Variants in GPC6 observed in about 807,000 individuals in gnomAD.
GPC6 encodes the protein glypican-6.
In GPC6, 14 loss-of-function variants were observed where a neutral mutation model predicts 55.2. The ratio of observed to expected loss-of-function variants is 0.25; its 90% CI spans 0.17 to 0.40. GPC6 has a LOEUF of 0.40. Ranked by LOEUF, GPC6 falls within the 10% of genes least tolerant of loss-of-function variation. The pLI is 1.00. For synonymous variants in GPC6, 278 were observed against 259.6 expected (o/e 1.07, Z -0.68); for missense variants, 641 against 708.5 (o/e 0.90, Z 1.08).
intron 2 of GPC6, among the ~76,000 whole-genome samples, chr13:93,728,095 T>C (rs1357681221): frequency 1.3e-5 from 2 of 152,182 alleles, no homozygotes; most frequent in African/African-American, 4.8e-5. Flanking sequence ...GAAGCTTCCT[T>C]GACCCTCTGT....
chr13:93,575,678 A>G (rs910547032), intron 2 of GPC6, among the ~76,000 whole-genome samples: 3 of 152,210 alleles, frequency 2.0e-5, no homozygotes, highest in Non-Finnish European at 4.4e-5. Context: ...AACCTAGAGT[A>G]GCTTCTAGTC....
At chr13:93,351,828 T>C (rs902601580) in intron 1 of GPC6, among the ~76,000 whole-genome samples, 1 of 152,174 alleles carries the variant, frequency 6.6e-6, no homozygotes, top group Non-Finnish European at 1.5e-5. Flanking sequence ...GCATTTGTCT[T>C]CACTTTTCTG....
At chr13:93,413,449 G>C (rs1015145252) in intron 1 of GPC6, among the ~76,000 whole-genome samples, 6 of 152,100 alleles carry the variant, frequency 3.9e-5, no homozygotes, top group Non-Finnish European at 7.4e-5. Context: ...CTGCGTGTGA[G>C]ATTGCAGATC....
chr13:93,668,725 C>G (rs1019736276), intron 2 of GPC6, among the ~76,000 whole-genome samples: 1 of 152,142 alleles, frequency 6.6e-6, no homozygotes, highest in African/African-American at 2.4e-5. Context: ...CTAAGAGCCT[C>G]CTGAGGGAGC....
chr13:94,165,227 A>ATT lies in GPC6; in HGVS notation c.878-121122_878-121121insTT, dbSNP rs1594010056. Among the ~76,000 whole-genome samples, 3 of 148,856 alleles carry ATT rather than the reference A, an allele frequency of 2.0e-5. No individual in the cohort carries two copies. In the East Asian group the frequency reaches 5.9e-4, roughly 29 times the overall value. Reference sequence around the variant, plus strand: ...TGTGTGTATATATATATAATGGAATACTATTCATATATATATGTATACATA... The same window carrying ATT: ...TGTGTGTATATATATATAATGGAATATTCTATTCATATATATATGTATACATA... On this transcript the variant is annotated intron_variant, in intron 4 of 8. Transcript: ENST00000377047.
intron 4 of GPC6, among the ~76,000 whole-genome samples, chr13:94,218,238 G>A (rs1360480309): frequency 6.6e-6 from 1 of 152,160 alleles, no homozygotes; most frequent in African/African-American, 2.4e-5. Flanking sequence ...GAGAAGTTAA[G>A]CATTTTAAGG....
At chr13:94,145,547 T>G (rs1354101804) in intron 4 of GPC6, among the ~76,000 whole-genome samples, 1 of 129,414 alleles carries the variant, frequency 7.7e-6, no homozygotes, top group Non-Finnish European at 1.8e-5. Context: ...GAATCTAAAA[T>G]AAAAGTTGAA....
At chr13:93,632,636 T>TGTGTGTGTATATATATATATAA (rs1879508441) in intron 2 of GPC6, among the ~76,000 whole-genome samples, 1 of 128,296 alleles carries the variant, frequency 7.8e-6, no homozygotes, top group Non-Finnish European at 1.7e-5. Context: ...TATATATATA[T>TGTGTGTGTATATATATATATAA]AATAAAATAA....
chr13:94,137,710 A>G (rs1315253632), intron 4 of GPC6, among the ~76,000 whole-genome samples: 3 of 152,164 alleles, frequency 2.0e-5, no homozygotes, highest in Non-Finnish European at 4.4e-5. Context: ...CTATGAGCCT[A>G]CCTAAAAACT....
chr13:93,799,593 A>G (rs1235768567), intron 2 of GPC6, among the ~76,000 whole-genome samples: 2 of 152,196 alleles, frequency 1.3e-5, no homozygotes, highest in Non-Finnish European at 2.9e-5. Flanking sequence ...ATTATCTGGC[A>G]TAGTAGAAGG....
chr13:94,276,802 G>T (rs983773192), intron 4 of GPC6, among the ~76,000 whole-genome samples: 1 of 152,138 alleles, frequency 6.6e-6, no homozygotes, highest in Non-Finnish European at 1.5e-5. Flanking sequence ...GTATTCCATG[G>T]TGTATATGTA....
chr13:93,563,384 CT>C (rs1275754151), intron 2 of GPC6, among the ~76,000 whole-genome samples: 4 of 152,068 alleles, frequency 2.6e-5, no homozygotes, highest in South Asian at 2.1e-4. Context: ...ACAGTAGTAT[CT>C]ACCAATATCC....
At chr13:93,926,647 G>C (rs1280038690) in intron 3 of GPC6, among the ~76,000 whole-genome samples, 1 of 152,176 alleles carries the variant, frequency 6.6e-6, no homozygotes, top group Non-Finnish European at 1.5e-5. Flanking sequence ...CTATTGGCAA[G>C]AGATCAGCTT....
At chr13:94,378,852 C>A (rs1049931959) in intron 6 of GPC6, among the ~76,000 whole-genome samples, 1 of 152,134 alleles carries the variant, frequency 6.6e-6, no homozygotes, top group Non-Finnish European at 1.5e-5. Flanking sequence ...GGTAAGAGTT[C>A]ATTTGTCCTA....
intron 1 of GPC6, among the ~76,000 whole-genome samples, chr13:93,238,647 G>A (rs1045666821): frequency 6.6e-6 from 1 of 151,790 alleles, no homozygotes; most frequent in Non-Finnish European, 1.5e-5. Context: ...TCCTTGTCTT[G>A]TTCCACTTAT....
intron 3 of GPC6, among the ~76,000 whole-genome samples, chr13:94,003,152 C>T (rs572453881): frequency 1.3e-5 from 2 of 152,080 alleles, no homozygotes; most frequent in Non-Finnish European, 2.9e-5. Context: ...CAGGTAGGAG[C>T]GTGGCGTGTG....
At chr13:94,277,442 C>G (rs966608822) in intron 4 of GPC6, among the ~76,000 whole-genome samples, 1 of 152,020 alleles carries the variant, frequency 6.6e-6, no homozygotes, top group African/African-American at 2.4e-5. Context: ...TAATTAGATC[C>G]CATTTGTAAA....
chr13:93,404,855 G>A (rs951108987), intron 1 of GPC6, among the ~76,000 whole-genome samples: 4 of 151,962 alleles, frequency 2.6e-5, no homozygotes, highest in African/African-American at 9.7e-5. Context: ...TGACAGTCTG[G>A]TTTTCTTTAA....
At chr13:93,609,363 C>G (rs189961237) in intron 2 of GPC6, among the ~76,000 whole-genome samples, 3 of 152,262 alleles carry the variant, frequency 2.0e-5, no homozygotes, top group African/African-American at 7.2e-5. Context: ...TACCGGCACA[C>G]GCCACCACAC....
Sources: allele counts gnomAD v4.1 joint callset (sites outside exome capture counted in the v4.1 genomes callset), GRCh38; gene constraint gnomAD v4.1.1; transcripts MANE v1.5; gene names NCBI Gene and HGNC (gene_info 2026-07-23, HGNC 2026-07-21).